RTL4: variants seen among roughly 807,000 people sequenced by gnomAD.
RTL4 encodes retrotransposon Gag like 4.
A neutral mutation model predicts 5.3 loss-of-function variants in RTL4; 4 were observed. The observed-to-expected ratio is 0.75, with a 90% CI of 0.37 to 1.72. The LOEUF (loss-of-function observed/expected upper bound fraction) is 1.72, where lower values mean the gene tolerates loss of function less well. Ranked by LOEUF, RTL4 falls within the 40% of genes most tolerant of loss-of-function variation. The pLI is 0.04. For missense variants in RTL4, 260 were observed against 227.1 expected (o/e 1.14, Z -0.93); for synonymous variants, 98 against 87.3 (o/e 1.12, Z -0.68).
the RTL4 span, among the ~76,000 whole-genome samples, chrX:112,440,416 A>C: frequency 9.0e-6 from 1 of 111,617 alleles, no homozygotes; most frequent in Admixed American, 9.5e-5. Context: ...ACATCCTTGC[A>C]GAAGACAGGA....
the RTL4 span, among the ~76,000 whole-genome samples, chrX:112,166,332 G>A: frequency 8.9e-6 from 1 of 111,906 alleles, no homozygotes; most frequent in Admixed American, 9.5e-5. Context: ...AGGTGCACAC[G>A]AGACAGAAAC....
the RTL4 span, among the ~76,000 whole-genome samples, chrX:112,086,295 G>T: frequency 5.3e-5 from 6 of 112,503 alleles, no homozygotes; most frequent in South Asian, 1.8e-3. Flanking sequence ...CATCACAAAG[G>T]CTGTAACAAA....
At chrX:112,442,614 A>G in the RTL4 span, among the ~76,000 whole-genome samples, 5 of 111,145 alleles carry the variant, frequency 4.5e-5, no homozygotes, top group East Asian at 1.4e-3. Context: ...ATAAAATAGG[A>G]TTTTAAAAGC....
the RTL4 span, among the ~76,000 whole-genome samples, chrX:112,270,155 A>G: frequency 1.8e-5 from 2 of 112,260 alleles, no homozygotes; most frequent in Non-Finnish European, 1.9e-5. Context: ...ATGAAGTTCA[A>G]TCACATCCAT....
At chrX:112,099,147 C>A in the RTL4 span, among the ~76,000 whole-genome samples, 1 of 111,768 alleles carries the variant, frequency 8.9e-6, no homozygotes, top group African/African-American at 3.3e-5. Context: ...TGACAAAGAG[C>A]TAATATCCAG....
the RTL4 span, among the ~76,000 whole-genome samples, chrX:112,415,497 C>T: frequency 9.0e-6 from 1 of 110,909 alleles, no homozygotes; most frequent in African/African-American, 3.3e-5. Flanking sequence ...ATGAACGATG[C>T]TGCTGTGAAC....
chrX:112,392,256 C>T, the RTL4 span, among the ~76,000 whole-genome samples: 3 of 111,814 alleles, frequency 2.7e-5, no homozygotes, highest in Non-Finnish European at 5.7e-5. Context: ...TGGCTGGAGG[C>T]CCAGGCCTGG....
the RTL4 span, among the ~76,000 whole-genome samples, chrX:112,340,639 C>CA: frequency 1.3e-3 from 129 of 98,990 alleles, 1 homozygote; most frequent in East Asian, 0.032. Flanking sequence ...GCCGTTAGGA[C>CA]AAAAAAAAAA....
At chrX:112,454,385 CTTATA>C (rs1307890308), upstream of RTL4, 12 of 153,458 alleles carry the variant, frequency 7.8e-5, no homozygotes, top group Admixed American at 1.0e-3. Context: ...GCAAATTGCC[CTTATA>C]TTACAAGGAA....
the RTL4 span, among the ~76,000 whole-genome samples, chrX:112,326,445 C>T: frequency 4.8e-4 from 54 of 111,560 alleles, no homozygotes; most frequent in African/African-American, 1.4e-3. Context: ...GCTTTTCTGA[C>T]GGGCTTAAAA....
At chrX:112,445,640 C>T in the RTL4 span, among the ~76,000 whole-genome samples, 25 of 111,399 alleles carry the variant, frequency 2.2e-4, 1 homozygote, top group South Asian at 9.5e-3. Context: ...AAAATGACAG[C>T]TATTGTTTGT....
At chrX:112,257,597 G>A in the RTL4 span, among the ~76,000 whole-genome samples, 2 of 109,980 alleles carry the variant, frequency 1.8e-5, no homozygotes, top group East Asian at 2.9e-4. Flanking sequence ...TGGCTTGTGA[G>A]GTCCCGTTTT....
the RTL4 span, among the ~76,000 whole-genome samples, chrX:112,285,670 T>G: frequency 5.7e-4 from 64 of 111,524 alleles, no homozygotes; most frequent in Non-Finnish European, 1.1e-3. Flanking sequence ...CCTCACCTTT[T>G]TCACTGTATA....
the RTL4 span, among the ~76,000 whole-genome samples, chrX:112,297,401 G>C: frequency 9.0e-6 from 1 of 111,708 alleles, no homozygotes; most frequent in Admixed American, 9.5e-5. Context: ...GGCAGAAGGC[G>C]AAGAGGAAGC....
At chrX:112,289,597 G>T in the RTL4 span, among the ~76,000 whole-genome samples, 7 of 111,738 alleles carry the variant, frequency 6.3e-5, no homozygotes, top group East Asian at 2.0e-3. Flanking sequence ...CTGTTCAATG[G>T]GGGTAATAAT....
At chrX:112,248,372 T>A in the RTL4 span, among the ~76,000 whole-genome samples, 1 of 112,565 alleles carries the variant, frequency 8.9e-6, no homozygotes, top group African/African-American at 3.2e-5. Context: ...TTTCAGTGGA[T>A]AATTTGATAT....
the RTL4 span, among the ~76,000 whole-genome samples, chrX:112,369,991 G>A: frequency 2.2e-4 from 25 of 111,983 alleles, no homozygotes; most frequent in Non-Finnish European, 3.8e-4. Flanking sequence ...GTTGACATGA[G>A]GAATGTTGTA....
the RTL4 span, among the ~76,000 whole-genome samples, chrX:112,118,221 T>C: frequency 8.9e-6 from 1 of 112,271 alleles, no homozygotes; most frequent in South Asian, 3.7e-4. Context: ...TAGTTCTGGC[T>C]CAGAGTCCTT....
At chrX:112,103,792 A>T in the RTL4 span, among the ~76,000 whole-genome samples, 1 of 111,029 alleles carries the variant, frequency 9.0e-6, no homozygotes, top group African/African-American at 3.3e-5. Context: ...AATTATATGT[A>T]TTTATTGTTT....
Sources: gnomAD v4.1 joint callset for allele counts (sites outside exome capture counted in the v4.1 genomes callset) on GRCh38, gnomAD v4.1.1 for gene constraint, MANE v1.5 for transcripts, NCBI Gene and HGNC (gene_info 2026-07-23, HGNC 2026-07-21) for gene names.